ESM1: variants seen among roughly 807,000 people sequenced by gnomAD.
ESM1 encodes endothelial cell-specific molecule 1.
In ESM1, 7 loss-of-function variants were observed where a neutral mutation model predicts 14.9. The ratio of observed to expected loss-of-function variants is 0.47; its 90% CI spans 0.27 to 0.88. ESM1 has a LOEUF of 0.88. Ranked by LOEUF, ESM1 falls within the 40% of genes least tolerant of loss-of-function variation. The probability of loss-of-function intolerance (pLI) is 0.14; values close to 1 mark genes in which losing one functional copy is unlikely to be tolerated. For synonymous variants in ESM1, 89 were observed against 89.4 expected, an observed-to-expected ratio of 1.00 and a Z score of 0.02; for missense variants, 192 against 237.9, an observed-to-expected ratio of 0.81 and a Z score of 1.27.
Position 54,985,481 on chromosome 5 carries a change from G to A in ESM1, c.37C>T (p.Pro13Ser). 1.9e-6 allele frequency: 3 copies of A among 1,605,610 alleles called. No individual in the cohort carries two copies. The highest frequency in any genetic ancestry group is 2.6e-6 in the Non-Finnish European group (3 of 1,173,190). Reference protein sequence around the residue: ...SVLLLTTLLVPAHLVAAWSNN... With the variant: ...SVLLLTTLLVSAHLVAAWSNN... Reference sequence around the variant, plus strand: ...CTCCAGGCGGCCACCAGGTGTGCAGGCACGAGGAGCGTGGTCAGCAGCAAG... The same window carrying A: ...CTCCAGGCGGCCACCAGGTGTGCAGACACGAGGAGCGTGGTCAGCAGCAAG... Residue 13 changes from proline to serine, a missense_variant, in exon 1 of 3, where the codon CCT (proline) becomes TCT (serine). Transcript: ENST00000381405.
intron 2 of ESM1, among the ~76,000 whole-genome samples, chr5:54,981,035 T>C (rs530905257): frequency 2.0e-5 from 3 of 152,294 alleles, no homozygotes; most frequent in East Asian, 1.9e-4. Flanking sequence ...CAGTTTTTAA[T>C]TGACAAATAA....
intron 2 of ESM1, among the ~76,000 whole-genome samples, chr5:54,981,297 C>A (rs1409231682): frequency 6.6e-6 from 1 of 152,158 alleles, no homozygotes; most frequent in African/African-American, 2.4e-5. Context: ...TTTAATGGAA[C>A]TCTCCTGTAC....
rs558644821 is a variant in ESM1, at chr5:54,981,994, T to C, written c.451+3A>G. 8 of 1,613,890 alleles carry C rather than the reference T, an allele frequency of 5.0e-6. No homozygotes were observed. The East Asian group carries it at 1.8e-4, about 36-fold the overall frequency. ...CAATGCTTATACCAGAATCAGTGCT[T>C]ACCCGTGAGAGAAACAAATCTGTTG... is the stretch of plus-strand genomic sequence containing the variant. On this transcript the variant is annotated splice_donor_region_variant and intron_variant, in intron 2 of 2. Transcript: ENST00000381405.
At chr5:54,984,584 T>G (rs191446330) in intron 1 of ESM1, among the ~76,000 whole-genome samples, 21 of 152,352 alleles carry the variant, frequency 1.4e-4, no homozygotes, top group Admixed American at 6.5e-4. Flanking sequence ...TTATTTTTCC[T>G]TGTCTTAACA....
chr5:54,985,092 G>T (rs1016730008), intron 1 of ESM1, 125 bp downstream of exon 1: 5 of 814,234 alleles, frequency 6.1e-6, no homozygotes, highest in Non-Finnish European at 1.0e-5. Flanking sequence ...CCTGTGTGGT[G>T]CCTTGTCAAG....
chr5:54,981,672 A>G (rs945748517), intron 2 of ESM1, among the ~76,000 whole-genome samples: 1 of 152,268 alleles, frequency 6.6e-6, no homozygotes, highest in African/African-American at 2.4e-5. Context: ...AGATCACTGA[A>G]GAATTTAAAG....
intron 2 of ESM1, among the ~76,000 whole-genome samples, chr5:54,979,983 T>G (rs543444797): frequency 6.6e-6 from 1 of 152,316 alleles, no homozygotes; most frequent in Non-Finnish European, 1.5e-5. Context: ...ATATTTGAAA[T>G]TTGCTAAAAT....
chr5:54,981,261 T>A (rs1398433932), intron 2 of ESM1, among the ~76,000 whole-genome samples: 1 of 152,216 alleles, frequency 6.6e-6, no homozygotes, highest in Non-Finnish European at 1.5e-5. Context: ...TAGTGATGTA[T>A]GTTGCTTTAA....
intron 2 of ESM1, 124 bp downstream of exon 2, chr5:54,981,871 CCT>C (rs1162650645): frequency 7.9e-6 from 8 of 1,010,184 alleles, no homozygotes; most frequent in Non-Finnish European, 1.2e-5. Context: ...CCACCGTTCC[CCT>C]GAGTAAAGCA....
chr5:54,981,538 T>TA, intron 2 of ESM1, among the ~76,000 whole-genome samples: 1 of 152,126 alleles, frequency 6.6e-6, no homozygotes, highest in South Asian at 2.1e-4. Context: ...TTCATTTGGT[T>TA]AAAAAAAAGA....
rs1023426532 is a variant in ESM1, at chr5:54,979,047, G to A, written c.*285C>T. On this transcript the variant is annotated 3_prime_UTR_variant, in exon 3 of 3. Coordinates refer to ENST00000381405, the MANE Select transcript of ESM1 (RefSeq NM_007036.5). ...CCCTCTTTGGTTGACCTGTCTCCACGTAAGATTACCTAAATTGCATTTTTA... is the reference window on the plus strand; with the variant it reads ...CCCTCTTTGGTTGACCTGTCTCCACATAAGATTACCTAAATTGCATTTTTA... 12 of 283,054 alleles carry A rather than the reference G, an allele frequency of 4.2e-5. No individual in the cohort carries two copies. In the East Asian group the frequency reaches 8.4e-4, roughly 20 times the overall value. The allele number at this position is 283,054 out of a possible 1,614,324, so 17.5% of individuals were successfully genotyped here.
chr5:54,979,296 G>C lies in ESM1; in HGVS notation c.*36C>G. ...TGTTGGCTGTGTGTTGAACAATCAC[G>C]AAAATAGAGCCTTCTCTCAGAAATC... On this transcript the variant is annotated 3_prime_UTR_variant, in exon 3 of 3. Transcript: ENST00000381405. 1 of 1,481,550 alleles carries C rather than the reference G, an allele frequency of 6.7e-7. No individual in the cohort carries two copies. The highest frequency in any genetic ancestry group is 9.4e-7 in the Non-Finnish European group (1 of 1,060,298). The allele number at this position is 1,481,550 out of a possible 1,614,324, so 91.8% of individuals were successfully genotyped here.
chr5:54,979,336 C>T lies in ESM1; in HGVS notation c.551G>A (p.Arg184His), dbSNP rs751693706. The T allele has an allele frequency of 4.3e-6, 7 of 1,610,424 alleles. No homozygotes were observed. The highest frequency in any genetic ancestry group is 2.7e-5 in the African/African-American group (2 of 74,844). The change falls in exon 3 of 3, where the codon CGC becomes CAC. Residue 184 changes from arginine (R) to histidine (H), a missense_variant. Transcript: ENST00000381405. ...TCTCAGAAATCACAGCCGGGATCAG[C>T]GTGGATTTAACCATTTCCTCATTAC... ...SPVMRKWLNP[R>H] is the part of the protein sequence containing the mutation.
intron 1 of ESM1, 104 bp downstream of exon 1, chr5:54,985,113 C>T: frequency 9.8e-7 from 1 of 1,024,072 alleles, no homozygotes; most frequent in Non-Finnish European, 1.5e-6. Context: ...AATCCACCTG[C>T]CTTTTCCCTC....
chr5:54,981,856 A>G, intron 2 of ESM1, 141 bp downstream of exon 2: 1 of 794,460 alleles, frequency 1.3e-6, no homozygotes, highest in Non-Finnish European at 1.9e-6. Flanking sequence ...AAACTCAGCT[A>G]CCACCCACCG....
In ESM1 at chr5:54,985,373, C is replaced by T; in HGVS notation, c.145G>A (p.Asp49Asn). 2 of 1,614,212 alleles carry T rather than the reference C, an allele frequency of 1.2e-6. No homozygotes were observed. Among genetic ancestry groups the T allele is most frequent in the Non-Finnish European group, 8.5e-7 (1 of 1,180,042 alleles). ...SSPRCKRTVL[D>N]DCGCCRVCAA... ...CACACTCGGCAGCAGCCACAGTCGT[C>T]GAGCACTGTCCTCTTGCAGCGCGGG... The change falls in exon 1 of 3, where the codon GAC becomes AAC. Residue 49 changes from aspartate to asparagine, a missense_variant. Transcript: ENST00000381405.
chr5:54,983,982 A>G (rs1740466364), intron 1 of ESM1, among the ~76,000 whole-genome samples: 1 of 152,210 alleles, frequency 6.6e-6, no homozygotes, highest in Non-Finnish European at 1.5e-5. Context: ...AGAAACATGC[A>G]TATGTGTTCA....
chr5:54,984,886 T>G (rs1396653134), intron 1 of ESM1, among the ~76,000 whole-genome samples: 1 of 152,192 alleles, frequency 6.6e-6, no homozygotes, highest in African/African-American at 2.4e-5. Context: ...AGAGAGCACC[T>G]AAGCCATCCT....
At chr5:54,982,603 A>T (rs1740409376) in intron 1 of ESM1, among the ~76,000 whole-genome samples, 1 of 152,218 alleles carries the variant, frequency 6.6e-6, no homozygotes, top group African/African-American at 2.4e-5. Flanking sequence ...TTTTAAGTGT[A>T]TAGGAAAGGG....
Sources: gnomAD v4.1 joint callset for allele counts (sites outside exome capture counted in the v4.1 genomes callset) on GRCh38, gnomAD v4.1.1 for gene constraint, MANE v1.5 for transcripts, NCBI Gene and HGNC (gene_info 2026-07-23, HGNC 2026-07-21) for gene names.